The following RANBP2 variants were observed in gnomAD, a reference collection of about 807,000 sequenced individuals.
RANBP2 encodes RAN binding protein 2.
Under a neutral mutation model 303.6 loss-of-function variants are expected in RANBP2, and 57 were observed. The ratio of observed to expected loss-of-function variants is 0.19; its 90% CI spans 0.15 to 0.23. The LOEUF is 0.23. Among genes scored for constraint, RANBP2 ranks in the 10% least tolerant of loss-of-function variants. The pLI, the probability that RANBP2 is intolerant of heterozygous loss-of-function variation, is 1.00. For missense variants in RANBP2, 3,138 were observed against 3,780.8 expected (o/e 0.83, Z 4.46); for synonymous variants, 1,167 against 1,301.5 (o/e 0.90, Z 2.23).
At chr2:108,795,150 ATTTT>A in the RANBP2 span, among the ~76,000 whole-genome samples, 2 of 85,040 alleles carry the variant, frequency 2.4e-5, no homozygotes, top group South Asian at 4.4e-4. Context: ...TCTAAAGTGT[ATTTT>A]TTTTTTTTTT....
chr2:108,753,408 A>C lies in RANBP2; in HGVS notation c.1918-18A>C. The C allele has an allele frequency of 6.2e-7, 1 of 1,611,636 alleles. No individual in the cohort carries two copies. Among genetic ancestry groups the C allele is most frequent in the South Asian group, 1.1e-5 (1 of 90,962 alleles). On this transcript the variant is annotated intron_variant, in intron 13 of 28. Coordinates refer to ENST00000283195, the MANE Select transcript of RANBP2 (RefSeq NM_006267.5). Reference sequence around the variant, plus strand: ...CTGAGTATAAACAATTTGACTAAAAACTATTCTGTGTGTTTAGGCATCAGA... The same window carrying C: ...CTGAGTATAAACAATTTGACTAAAACCTATTCTGTGTGTTTAGGCATCAGA...
the RANBP2 span, among the ~76,000 whole-genome samples, chr2:109,178,892 TC>T: frequency 6.6e-6 from 1 of 152,192 alleles, no homozygotes; most frequent in Non-Finnish European, 1.5e-5. Context: ...CATGGAAACC[TC>T]CTGAGAAAGT....
the RANBP2 span, chr2:108,791,630 T>G: frequency 1.9e-6 from 3 of 1,580,118 alleles, no homozygotes; most frequent in South Asian, 3.4e-5. Context: ...TTTAAAGTGC[T>G]ATAGTAAACT....
In RANBP2 at chr2:108,783,983, A is replaced by G. The variant is rs929716608; in HGVS notation, c.*82A>G. Reference sequence around the variant, plus strand: ...CTATTACAATTTGATAGTTATGTTCAGCTTTTGAAAATGGACGTTTCCGAT... The same window carrying G: ...CTATTACAATTTGATAGTTATGTTCGGCTTTTGAAAATGGACGTTTCCGAT... On this transcript the variant is annotated 3_prime_UTR_variant, in exon 29 of 29. Coordinates refer to ENST00000283195, the MANE Select transcript of RANBP2 (RefSeq NM_006267.5). 7 of 1,350,716 alleles carry G rather than the reference A, an allele frequency of 5.2e-6. No individual in the cohort carries two copies. Among genetic ancestry groups the G allele is most frequent in the African/African-American group, 4.4e-5 (3 of 68,114 alleles). 83.7% of individuals were successfully genotyped at this position (1,350,716 alleles called of 1,614,324 possible).
chr2:109,021,017 C>T, the RANBP2 span, among the ~76,000 whole-genome samples: 113 of 152,262 alleles, frequency 7.4e-4, no homozygotes, highest in African/African-American at 2.6e-3. Flanking sequence ...AAATGGGCCA[C>T]GGGGCTGCCT....
the RANBP2 span, among the ~76,000 whole-genome samples, chr2:108,977,031 C>T: frequency 1.3e-5 from 2 of 152,164 alleles, no homozygotes; most frequent in African/African-American, 4.8e-5. Flanking sequence ...ATACCTCTGA[C>T]TTCCCAGTTT....
chr2:109,027,242 CAAAAAAAAAAA>C, the RANBP2 span, among the ~76,000 whole-genome samples: 3 of 81,520 alleles, frequency 3.7e-5, no homozygotes, highest in South Asian at 1.5e-3. Context: ...GGCTCTGTCT[CAAAAAAAAAAA>C]AAAAAAAAAA....
chr2:109,533,646 A>C, the RANBP2 span, among the ~76,000 whole-genome samples: 1 of 152,234 alleles, frequency 6.6e-6, no homozygotes, highest in East Asian at 1.9e-4. Context: ...AAAAGAAAAA[A>C]TTAGCTGTTA....
chr2:109,144,561 G>A, the RANBP2 span, among the ~76,000 whole-genome samples: 1 of 152,366 alleles, frequency 6.6e-6, no homozygotes, highest in African/African-American at 2.4e-5. Flanking sequence ...GCAATTTTAT[G>A]CTTGCAAGCA....
chr2:109,247,474 T>G, the RANBP2 span, among the ~76,000 whole-genome samples: 1 of 152,210 alleles, frequency 6.6e-6, no homozygotes. Context: ...TTCCTGGAAG[T>G]TTTTGTGCAA....
At chr2:109,683,367 C>T in the RANBP2 span, among the ~76,000 whole-genome samples, 39 of 152,216 alleles carry the variant, frequency 2.6e-4, no homozygotes, top group South Asian at 4.3e-3. Context: ...TGTGATTCTG[C>T]GGTGTGCACG....
chr2:109,375,944 A>G, the RANBP2 span, among the ~76,000 whole-genome samples: 1 of 152,216 alleles, frequency 6.6e-6, no homozygotes, highest in East Asian at 1.9e-4. Context: ...CATTGGGGGC[A>G]TGGCCTGTGG....
the RANBP2 span, among the ~76,000 whole-genome samples, chr2:109,718,046 A>G: frequency 1.6e-3 from 237 of 152,380 alleles, no homozygotes; most frequent in African/African-American, 5.5e-3. Context: ...CAGAAATTTA[A>G]AAAGATCAAA....
chr2:109,391,878 C>T, the RANBP2 span, among the ~76,000 whole-genome samples: 1 of 152,044 alleles, frequency 6.6e-6, no homozygotes, highest in Non-Finnish European at 1.5e-5. Flanking sequence ...CTTACTCTGT[C>T]ACCCAGGCTG....
chr2:109,150,136 G>C, the RANBP2 span, among the ~76,000 whole-genome samples: 1 of 152,218 alleles, frequency 6.6e-6, no homozygotes, highest in Non-Finnish European at 1.5e-5. Context: ...AGGTGGTGTA[G>C]AGGAAGTGGT....
chr2:109,025,218 C>T, the RANBP2 span, among the ~76,000 whole-genome samples: 8 of 152,100 alleles, frequency 5.3e-5, no homozygotes, highest in Admixed American at 5.2e-4. Context: ...GAATAATATT[C>T]CATTGTGTGG....
chr2:108,820,410 T>C, the RANBP2 span, among the ~76,000 whole-genome samples: 1 of 152,146 alleles, frequency 6.6e-6, no homozygotes, highest in Non-Finnish European at 1.5e-5. Flanking sequence ...GGAGAGAGCT[T>C]ATTTGTAGAA....
the RANBP2 span, among the ~76,000 whole-genome samples, chr2:109,577,106 AG>A: frequency 6.6e-6 from 1 of 152,206 alleles, no homozygotes. Flanking sequence ...AGGACCCTTA[AG>A]GGAGACTTCT....
chr2:109,670,424 G>A, the RANBP2 span, among the ~76,000 whole-genome samples: 17 of 152,034 alleles, frequency 1.1e-4, no homozygotes, highest in Admixed American at 2.6e-4. Context: ...GCAGCTCATC[G>A]GGGAGTGGAT....
Sources: gnomAD v4.1 joint callset for allele counts (sites outside exome capture counted in the v4.1 genomes callset) on GRCh38, gnomAD v4.1.1 for gene constraint, MANE v1.5 for transcripts, NCBI Gene and HGNC (gene_info 2026-07-23, HGNC 2026-07-21) for gene names.